The following RMC1 variants were observed in gnomAD, a reference collection of about 807,000 sequenced individuals.
RMC1 encodes regulator of MON1-CCZ1 complex.
In RMC1, 44 loss-of-function variants were observed where a neutral mutation model predicts 95.5. The observed-to-expected ratio is 0.46, with a 90% confidence interval of 0.36 to 0.59. The LOEUF (loss-of-function observed/expected upper bound fraction) is 0.59, where lower values mean the gene tolerates loss of function less well. RMC1 is among the 20% of genes least tolerant of loss of function. The pLI is 0.00. For missense variants in RMC1, 705 were observed against 819.6 expected (o/e 0.86, Z 1.71); for synonymous variants, 320 against 303.6 (o/e 1.05, Z -0.56).
chr18:23,504,586 C>T (rs1016022794), intron 2 of RMC1, 139 bp downstream of exon 2: 6 of 691,866 alleles, frequency 8.7e-6, no homozygotes, highest in African/African-American at 1.8e-5. Context: ...GAATTCCTGT[C>T]TGTAGGGAGG....
intron 14 of RMC1, 151 bp from the exon 15 acceptor site, chr18:23,529,028 C>T (rs776908618): frequency 2.3e-4 from 286 of 1,269,886 alleles, no homozygotes; most frequent in Middle Eastern, 4.8e-4. Flanking sequence ...TACAGGCATG[C>T]GCACAGGAAA....
At position 23,520,231 on chromosome 18, in the gene RMC1, G is replaced by A; in HGVS notation, c.879G>A (p.Arg293=). 1 of 1,614,078 alleles carries A rather than the reference G, an allele frequency of 6.2e-7. No individual in the cohort carries two copies. The highest frequency in any genetic ancestry group is 8.5e-7 in the Non-Finnish European group (1 of 1,180,012). The change falls in exon 10 of 20, where the codon CGG becomes CGA. Residue 293 remains arginine (R), a synonymous_variant. Coordinates refer to ENST00000269221, the MANE Select transcript of RMC1 (RefSeq NM_013326.5). ...ETSVIFDIKL[R]GEFDGSVTFH... ...CGGTAATATTCGATATCAAGTTACGGGGAGAGTTTGACGGCTCCGTTACCT... is the reference window on the plus strand; with the variant it reads ...CGGTAATATTCGATATCAAGTTACGAGGAGAGTTTGACGGCTCCGTTACCT...
At chr18:23,526,607 C>T (rs1265004175) in intron 12 of RMC1, 30 bp from the exon 13 acceptor site, 1 of 1,610,576 alleles carries the variant, frequency 6.2e-7, no homozygotes, top group Non-Finnish European at 8.5e-7. Flanking sequence ...TTGCATCATA[C>T]TGTTTTATTT....
intron 1 of RMC1, 132 bp from the exon 2 acceptor site, chr18:23,504,239 C>T: frequency 1.4e-6 from 1 of 734,902 alleles, no homozygotes; most frequent in Admixed American, 2.2e-5. Context: ...AACATCTGTA[C>T]CTTGATATGT....
intron 5 of RMC1, among the ~76,000 whole-genome samples, chr18:23,510,634 G>A (rs1246136780): frequency 6.6e-6 from 1 of 151,170 alleles, no homozygotes; most frequent in African/African-American, 2.4e-5. Context: ...GCAACAGAGC[G>A]AGACTCCGTC....
rs779222190 is a variant in RMC1 at position 23,520,291 on chromosome 18, G to T, written c.939G>T (p.Gln313His). ...HHPVLPARSI[Q>H]PYQIPITGPA... The stretch of plus-strand genomic sequence containing the variant: ...CCGTGCTTCCCGCTCGATCGATCCA[G>T]CCCTATCAGATCCCCATCACAGGTA... The change falls in exon 10 of 20, where the codon CAG becomes CAT. Residue 313 changes from glutamine to histidine, a missense_variant. Transcript: ENST00000269221. The T allele has an allele frequency of 6.2e-7, 1 of 1,613,994 alleles. No homozygotes were observed. Among genetic ancestry groups the T allele is most frequent in the Non-Finnish European group, 8.5e-7 (1 of 1,179,880 alleles).
rs757431665 is a variant in RMC1 at position 23,530,532 on chromosome 18, A to G, written c.1814A>G (p.Asp605Gly). Reference protein sequence around the residue: ...KFLDAAKQTEDNMLFYTIFRF... With the variant: ...KFLDAAKQTEGNMLFYTIFRF... ...TTAGATGCTGCAAAGCAGACTGAAG[A>G]CAACATGCTTTTCTATACAATATTC... is the stretch of plus-strand genomic sequence containing the variant. Residue 605 changes from aspartate to glycine, a missense_variant, in exon 19 of 20, where the codon GAC becomes GGC. Asp to Gly is a moderately conservative substitution (Grantham distance 94). Transcript: ENST00000269221. 1 of 1,614,282 alleles carries G rather than the reference A, an allele frequency of 6.2e-7. No homozygotes were observed. The highest frequency in any genetic ancestry group is 1.1e-5 in the South Asian group (1 of 91,090).
chr18:23,523,543 CAAAAAAA>C (rs374224848), intron 10 of RMC1, among the ~76,000 whole-genome samples: 10 of 76,408 alleles, frequency 1.3e-4, no homozygotes, highest in Non-Finnish European at 1.9e-4. Context: ...CTTGTCTTCA[CAAAAAAA>C]AAAAAAAAAA....
In RMC1 at chr18:23,531,756, A is replaced by G; in HGVS notation, c.*52A>G. On this transcript the variant is annotated 3_prime_UTR_variant, in exon 20 of 20. Coordinates refer to ENST00000269221, the MANE Select transcript of RMC1 (RefSeq NM_013326.5). ...AATGTGTACAAAGTTAATTTATTGC[A>G]TTAATAAAGCTCTTTAAACTATAAA... The G allele has an allele frequency of 6.3e-7, 1 of 1,585,964 alleles. No individual in the cohort carries two copies. The highest frequency in any genetic ancestry group is 1.2e-5 in the South Asian group (1 of 85,842).
chr18:23,512,097 G>A (rs1412345423), intron 5 of RMC1, among the ~76,000 whole-genome samples: 2 of 145,904 alleles, frequency 1.4e-5, no homozygotes, highest in African/African-American at 5.1e-5. Flanking sequence ...CTCGGCTCAC[G>A]GCAACCTCCA....
At chr18:23,527,652 C>G in intron 13 of RMC1, 143 bp from the exon 14 acceptor site, 1 of 199,784 alleles carries the variant, frequency 5.0e-6, no homozygotes, top group Non-Finnish European at 8.2e-6. Context: ...ATCTAGCTGT[C>G]AGGTCTTTAA....
In RMC1 at chr18:23,503,516, C is replaced by G. The variant is rs887340077; in HGVS notation, c.-103C>G. 1.4e-6 allele frequency: 1 copy of G among 716,774 alleles called. No homozygotes were observed. Among genetic ancestry groups the G allele is most frequent in the Admixed American group, 4.6e-5 (1 of 21,570 alleles). 44.4% of individuals were successfully genotyped at this position (716,774 alleles called of 1,614,324 possible). A position where few individuals can be genotyped will look rare whatever the true frequency, so the allele number is the denominator to read the frequency against. Reference sequence around the variant, plus strand: ...GCGGCGTCCGCGCCGGGCCCAGAGCCGCAGCCGCAGCCGCCGCTACAGTCC... The same window carrying G: ...GCGGCGTCCGCGCCGGGCCCAGAGCGGCAGCCGCAGCCGCCGCTACAGTCC... On this transcript the variant is annotated 5_prime_UTR_variant, in exon 1 of 20. Transcript: ENST00000269221.
rs1235505995 is a variant in RMC1, at chr18:23,530,099, G to A, written c.1566G>A (p.Leu522=). Residue 522 remains leucine, a synonymous_variant, in exon 17 of 20, where the codon CTG becomes CTA. Coordinates refer to ENST00000269221, the MANE Select transcript of RMC1 (RefSeq NM_013326.5). ...TCTTTTATATGCTGCATCAGTTCCTGCAGTACCACGTCCTCAGCGACTCCA... is the reference window on the plus strand; with the variant it reads ...TCTTTTATATGCTGCATCAGTTCCTACAGTACCACGTCCTCAGCGACTCCA... ...HNLFYMLHQF[L]QYHVLSDSKP... 1.2e-6 allele frequency: 2 copies of A among 1,614,200 alleles called. No homozygotes were observed. The highest frequency in any genetic ancestry group is 1.7e-6 in the Non-Finnish European group (2 of 1,180,032).
At chr18:23,519,195 T>C in intron 9 of RMC1, 21 bp downstream of exon 9, 13 of 1,602,324 alleles carry the variant, frequency 8.1e-6, no homozygotes, top group Non-Finnish European at 1.1e-5. Context: ...TCTGCGTTTC[T>C]ACCAAAGTTA....
At chr18:23,508,177 G>A (rs776614500) in intron 4 of RMC1, 136 bp downstream of exon 4, 9 of 701,712 alleles carry the variant, frequency 1.3e-5, no homozygotes, top group Non-Finnish European at 2.0e-5. Context: ...TCCCAAACTG[G>A]AGTCAGGCGG....
intron 13 of RMC1, 30 bp from the exon 14 acceptor site, chr18:23,527,765 G>T (rs2058349243): frequency 1.9e-6 from 3 of 1,578,802 alleles, no homozygotes; most frequent in African/African-American, 2.7e-5. Flanking sequence ...AAGTTGGTTT[G>T]ATCCGTGTGT....
At chr18:23,516,278 G>A (rs2058002872) in intron 6 of RMC1, 42 bp from the exon 7 acceptor site, 1 of 1,585,006 alleles carries the variant, frequency 6.3e-7, no homozygotes, top group Admixed American at 1.7e-5. Flanking sequence ...AACATTGAAG[G>A]GGTTTAATAA....
rs778625270 is a variant in RMC1 at position 23,530,513 on chromosome 18, G to A, written c.1795G>A (p.Ala599Thr). The A allele has an allele frequency of 1.5e-5, 24 of 1,614,122 alleles. No individual in the cohort carries two copies. Among genetic ancestry groups the A allele is most frequent in the Non-Finnish European group, 3.4e-6 (4 of 1,180,056 alleles). Reference sequence around the variant, plus strand: ...CATTTCTGCACGAAAATTTTTAGATGCTGCAAAGCAGACTGAAGACAACAT... The same window carrying A: ...CATTTCTGCACGAAAATTTTTAGATACTGCAAAGCAGACTGAAGACAACAT... ...DNISARKFLD[A>T]AKQTEDNMLF... Residue 599 changes from alanine to threonine, a missense_variant, in exon 19 of 20, where the codon GCT becomes ACT. Physicochemically the swap from Ala to Thr is moderately conservative, Grantham distance 58 (BLOSUM62 0). Coordinates refer to ENST00000269221, the MANE Select transcript of RMC1 (RefSeq NM_013326.5).
intron 10 of RMC1, 27 bp downstream of exon 10, chr18:23,520,340 G>A (rs748734857): frequency 2.6e-6 from 4 of 1,554,248 alleles, no homozygotes; most frequent in African/African-American, 1.4e-5. Flanking sequence ...AGAGGAGTCT[G>A]TGCTGCCCTT....
Sources: allele counts gnomAD v4.1 joint callset (sites outside exome capture counted in the v4.1 genomes callset), GRCh38; gene constraint gnomAD v4.1.1; transcripts MANE v1.5; gene names NCBI Gene and HGNC (gene_info 2026-07-23, HGNC 2026-07-21).